MROH1: variants seen among roughly 807,000 people sequenced by gnomAD.
MROH1 encodes maestro heat-like repeat-containing protein family member 1.
A neutral mutation model predicts 116.5 loss-of-function variants in MROH1; 117 were observed. The observed-to-expected ratio is 1.00, with a 90% CI of 0.86 to 1.17. The LOEUF (loss-of-function observed/expected upper bound fraction) is 1.17, where lower values mean the gene tolerates loss of function less well. Ranked by LOEUF, MROH1 falls within the 50% of genes most tolerant of loss-of-function variation. The pLI is 0.00. For missense variants in MROH1, 1,873 were observed against 1,338.5 expected, an observed-to-expected ratio of 1.40 and a Z score of -6.23; for synonymous variants, 921 against 583.9, an observed-to-expected ratio of 1.58 and a Z score of -8.32.
At chr8:144,214,094 C>A (rs1176377941) in intron 12 of MROH1, 1 of 152,294 alleles carries the variant, frequency 6.6e-6, no homozygotes, top group East Asian at 1.9e-4. Flanking sequence ...TCTGCTCCCA[C>A]CAGCAACCTG....
chr8:144,242,593 G>T lies in MROH1; in HGVS notation c.2326-9G>T, dbSNP rs1841197402. 1 of 780,114 alleles carries T rather than the reference G, an allele frequency of 1.3e-6. No homozygotes were observed. The highest frequency in any genetic ancestry group is 2.4e-5 in the East Asian group (1 of 41,254). The allele number at this position is 780,114 out of a possible 1,614,324, so 48.3% of individuals were successfully genotyped here. ...CACGTCTTAACTCATTTCACTTTTT[G>T]TTGTTCAGGTTCTAGGAATAAAGGT... is the stretch of plus-strand genomic sequence containing the variant. On this transcript the variant is annotated splice_polypyrimidine_tract_variant and intron_variant, in intron 23 of 43. Coordinates refer to ENST00000326134, the MANE Select transcript of MROH1 (RefSeq NM_032450.3).
At chr8:144,201,077 T>C (rs890334162) in intron 12 of MROH1, 1 of 152,494 alleles carries the variant, frequency 6.6e-6, no homozygotes, top group African/African-American at 2.4e-5. Context: ...TTTTTTTTTT[T>C]TTAGTGGTCT....
At position 144,175,112 on chromosome 8, in the gene MROH1, G is replaced by A. The variant is rs574620333; in HGVS notation, c.169-4343G>A. 41 of 985,466 alleles carry A rather than the reference G, an allele frequency of 4.2e-5. No homozygotes were observed. In the South Asian group the frequency reaches 8.9e-4, roughly 21 times the overall value. The allele number at this position is 985,466 out of a possible 1,614,324, so 61.0% of individuals were successfully genotyped here. A position where few individuals can be genotyped will look rare whatever the true frequency, so the allele number is the denominator to read the frequency against. On this transcript the variant is annotated intron_variant, in intron 4 of 43. Transcript: ENST00000326134. ...GTGTTTCCAAGATCAAGAACCAGAG[G>A]AGATGGCAGCTGTGGGTCTGGTCAG...
intron 12 of MROH1, among the ~76,000 whole-genome samples, chr8:144,205,517 G>GAC (rs10695749): frequency 0.95 from 141,454 of 148,686 alleles, 67,543 homozygotes; most frequent in Non-Finnish European, 0.99. Context: ...CATATATATA[G>GAC]ACACACACAC....
chr8:144,228,356 T>C (rs1308419626), intron 14 of MROH1, among the ~76,000 whole-genome samples: 1 of 152,238 alleles, frequency 6.6e-6, no homozygotes, highest in Non-Finnish European at 1.5e-5. Context: ...CTAAGGATCA[T>C]CTGAGCCATC....
At position 144,244,226 on chromosome 8, in the gene MROH1, G is replaced by A. The variant is rs943463829; in HGVS notation, c.2560G>A (p.Val854Met). 3.8e-5 allele frequency: 27 copies of A among 717,624 alleles called. No homozygotes were observed. The highest frequency in any genetic ancestry group is 2.4e-4 in the South Asian group (16 of 67,576). 44.5% of individuals were successfully genotyped at this position (717,624 alleles called of 1,614,324 possible). ...GGCCCTTAACTTGCCTCTCAGCTCC[G>A]TGGAGCCAGCGCTGGACGAGCAGGC... ...AMLTCTYLVS[V>M]EPALDEQARA... is the part of the protein sequence containing the mutation. Residue 854 changes from valine (V) to methionine (M), a missense_variant, in exon 27 of 44, where the codon GTG becomes ATG. Coordinates refer to ENST00000326134, the MANE Select transcript of MROH1 (RefSeq NM_032450.3).
intron 14 of MROH1, among the ~76,000 whole-genome samples, chr8:144,225,364 A>G (rs781619005): frequency 2.5e-4 from 38 of 152,144 alleles, no homozygotes; most frequent in Non-Finnish European, 5.0e-4. Flanking sequence ...GAATAGAGAC[A>G]GCCTGTGTTA....
intron 3 of MROH1, among the ~76,000 whole-genome samples, chr8:144,166,876 C>T (rs902336502): frequency 2.6e-5 from 4 of 152,190 alleles, no homozygotes; most frequent in Non-Finnish European, 5.9e-5. Context: ...CAGTTCAGTA[C>T]GGGCCGGGTT....
intron 1 of MROH1, among the ~76,000 whole-genome samples, chr8:144,148,312 GCTC>G (rs1815907602): frequency 6.6e-6 from 1 of 152,194 alleles, no homozygotes; most frequent in African/African-American, 2.4e-5. Context: ...GTGCGGCTGT[GCTC>G]CTCCTCTGCG....
intron 13 of MROH1, among the ~76,000 whole-genome samples, chr8:144,220,908 C>T (rs531028417): frequency 2.6e-5 from 4 of 152,314 alleles, no homozygotes; most frequent in East Asian, 3.9e-4. Flanking sequence ...TATAGGCCCG[C>T]GGGTCCCTAG....
At chr8:144,261,448 T>C (rs1845044702) in intron 43 of MROH1, 99 bp downstream of exon 43, 5 of 699,678 alleles carry the variant, frequency 7.1e-6, no homozygotes, top group Admixed American at 2.0e-5. Flanking sequence ...ACTTTTTCCC[T>C]GTCACTGGTG....
intron 3 of MROH1, 117 bp from the exon 4 acceptor site, chr8:144,168,178 G>T (rs1821422044): frequency 2.4e-6 from 3 of 1,233,410 alleles, no homozygotes; most frequent in Admixed American, 2.8e-5. Flanking sequence ...GCCCTCTCCT[G>T]CTCTGTGTCT....
intron 12 of MROH1, 50 bp from the exon 13 acceptor site, chr8:144,220,550 G>A (rs1378188108): frequency 6.6e-7 from 1 of 1,511,434 alleles, no homozygotes; most frequent in African/African-American, 1.4e-5. Context: ...AATGGACCTT[G>A]AGGTCCTCAT....
At chr8:144,247,782 C>T in intron 31 of MROH1, 103 bp downstream of exon 31, 1 of 697,668 alleles carries the variant, frequency 1.4e-6, no homozygotes, top group Non-Finnish European at 2.6e-6. Context: ...CTGGAAGTGC[C>T]ACCCATGGCC....
At position 144,199,199 on chromosome 8, in the gene MROH1, G is replaced by A; in HGVS notation, c.1026G>A (p.Leu342=). The part of the protein sequence containing the change: ...QKEVLRCFTV[L]ACSSPDRLLA... ...AGGTGCTGCGCTGCTTCACTGTGCT[G>A]GGTGAGTGGTGGGCCCAGCTTTGCC... Residue 342 remains leucine, a splice_region_variant and synonymous_variant, in exon 11 of 44, where the codon CTG becomes CTA. Transcript: ENST00000326134. 6.2e-7 allele frequency: 1 copy of A among 1,612,576 alleles called. No individual in the cohort carries two copies. Among genetic ancestry groups the A allele is most frequent in the Non-Finnish European group, 8.5e-7 (1 of 1,179,382 alleles).
chr8:144,260,571 T>C, intron 39 of MROH1, 106 bp from the exon 40 acceptor site: 1 of 762,478 alleles, frequency 1.3e-6, no homozygotes, highest in Non-Finnish European at 2.4e-6. Flanking sequence ...TCGGGGTGTT[T>C]CCTGGCCCGG....
intron 36 of MROH1, 143 bp from the exon 37 acceptor site, chr8:144,259,097 G>GCTGGGAGGCATCTCTGAAA: frequency 1.5e-6 from 1 of 679,022 alleles, no homozygotes. Context: ...GGCGAGGCAA[G>GCTGGGAGGCATCTCTGAAA]CTGGGAGGCA....
rs1423531960 is a variant in MROH1 at position 144,239,382 on chromosome 8, C to T, written c.1632+19C>T. On this transcript the variant is annotated intron_variant, in intron 17 of 43. Coordinates refer to ENST00000326134, the MANE Select transcript of MROH1 (RefSeq NM_032450.3). ...ACTGTTGGTGAGCCTCGCCCTTTCA[C>T]AGCGTGCCCAGCGCCCCACTCTGTG... The T allele has an allele frequency of 9.0e-6, 7 of 780,448 alleles. No individual in the cohort carries two copies. Among genetic ancestry groups the T allele is most frequent in the African/African-American group, 1.7e-5 (1 of 59,126 alleles). 48.3% of individuals were successfully genotyped at this position (780,448 alleles called of 1,614,324 possible). A position where few individuals can be genotyped will look rare whatever the true frequency, so the allele number is the denominator to read the frequency against.
intron 12 of MROH1, among the ~76,000 whole-genome samples, chr8:144,215,657 G>A (rs918863882): frequency 5.9e-5 from 9 of 151,908 alleles, no homozygotes; most frequent in African/African-American, 1.9e-4. Flanking sequence ...AGATCACGAG[G>A]TCAGGAGATC....
Sources: gnomAD v4.1 joint callset for allele counts (sites outside exome capture counted in the v4.1 genomes callset) on GRCh38, gnomAD v4.1.1 for gene constraint, MANE v1.5 for transcripts, NCBI Gene and HGNC (gene_info 2026-07-23, HGNC 2026-07-21) for gene names.